SFXN5: variants seen among roughly 807,000 people sequenced by gnomAD.
The protein encoded by SFXN5 is sideroflexin-5.
A neutral mutation model predicts 50.2 loss-of-function variants in SFXN5; 43 were observed. That is an observed-to-expected ratio of 0.86 (90% CI 0.67 to 1.11). The LOEUF (loss-of-function observed/expected upper bound fraction) is 1.11. SFXN5 is among the 50% of genes least tolerant of loss of function. The pLI, the probability that SFXN5 is intolerant of heterozygous loss-of-function variation, is 0.00. For missense variants in SFXN5, 463 were observed against 454.1 expected (o/e 1.02, Z -0.18); for synonymous variants, 203 against 185.8 (o/e 1.09, Z -0.75).
At chr2:72,978,266 C>T (rs568418424) in intron 10 of SFXN5, among the ~76,000 whole-genome samples, 2 of 150,906 alleles carry the variant, frequency 1.3e-5, no homozygotes, top group Non-Finnish European at 1.5e-5. Context: ...TTCAGATGAA[C>T]GCATTTTTCT....
intron 10 of SFXN5, among the ~76,000 whole-genome samples, chr2:72,978,004 GAA>G (rs60752756): frequency 1.6e-4 from 20 of 127,474 alleles, no homozygotes; most frequent in Admixed American, 6.5e-4. Flanking sequence ...AAAGAATAAG[GAA>G]AAAAAAAAAA....
chr2:72,978,550 TG>T (rs1670915222), intron 10 of SFXN5, among the ~76,000 whole-genome samples: 3 of 152,204 alleles, frequency 2.0e-5, no homozygotes, highest in Admixed American at 1.3e-4. Flanking sequence ...CTCAAAGTGC[TG>T]GGATTACAGG....
intron 1 of SFXN5, chr2:73,071,222 C>T (rs2106087614): frequency 9.6e-6 from 2 of 207,736 alleles, no homozygotes; most frequent in East Asian, 2.7e-4. Flanking sequence ...CATCCAGGGC[C>T]AGACTAGAAC....
chr2:72,977,159 A>AGTT (rs1670717841), intron 10 of SFXN5, among the ~76,000 whole-genome samples: 1 of 152,114 alleles, frequency 6.6e-6, no homozygotes, highest in African/African-American at 2.4e-5. Context: ...TGATGCTTGG[A>AGTT]GCTGCTGCCG....
At chr2:72,985,955 AG>A (rs1041049435) in intron 10 of SFXN5, among the ~76,000 whole-genome samples, 1 of 152,172 alleles carries the variant, frequency 6.6e-6, no homozygotes, top group Non-Finnish European at 1.5e-5. Context: ...CCCCCGGCAA[AG>A]TTCTTATCTA....
chr2:73,028,275 C>T (rs1218251195), intron 3 of SFXN5, among the ~76,000 whole-genome samples: 1 of 152,204 alleles, frequency 6.6e-6, no homozygotes, highest in Non-Finnish European at 1.5e-5. Flanking sequence ...ATAAGTTAAG[C>T]CCAATGGGAG....
intron 10 of SFXN5, chr2:72,981,182 A>G (rs923949561): frequency 4.6e-5 from 7 of 152,014 alleles, no homozygotes; most frequent in African/African-American, 1.7e-4. Flanking sequence ...TGTCACTCTT[A>G]TGGCGTTACC....
rs545865231 is a variant in SFXN5, at chr2:72,982,350, C to T, written c.625+5908G>A. On this transcript the variant is annotated intron_variant, in intron 10 of 13. Coordinates refer to ENST00000272433, the MANE Select transcript of SFXN5 (RefSeq NM_144579.3). ...AATGTAAACAAGAAAACAGAGCACTCCAAAACAACTTTAAAAAGTGGAAAA... is the reference window on the plus strand; with the variant it reads ...AATGTAAACAAGAAAACAGAGCACTTCAAAACAACTTTAAAAAGTGGAAAA... 2.2e-4 allele frequency among the ~76,000 whole-genome samples: 34 copies of T among 152,282 alleles called. No individual in the cohort carries two copies. In the South Asian group the frequency reaches 3.7e-3, roughly 17 times the overall value.
intron 10 of SFXN5, among the ~76,000 whole-genome samples, chr2:72,976,857 G>C (rs751916894): frequency 2.0e-5 from 3 of 152,128 alleles, no homozygotes; most frequent in Non-Finnish European, 4.4e-5. Context: ...ATAAGATATG[G>C]GGACCTGGAA....
At chr2:73,006,958 C>T (rs184126061) in intron 6 of SFXN5, among the ~76,000 whole-genome samples, 51 of 152,332 alleles carry the variant, frequency 3.3e-4, no homozygotes, top group African/African-American at 1.2e-3. Context: ...GGGCCAATGG[C>T]ACCCATATGG....
chr2:73,061,078 G>A (rs1406392559), intron 1 of SFXN5, among the ~76,000 whole-genome samples: 1 of 151,482 alleles, frequency 6.6e-6, no homozygotes, highest in Non-Finnish European at 1.5e-5. Flanking sequence ...CACTCTGGGA[G>A]ACCAAGGCAG....
Position 73,050,388 on chromosome 2 carries a change from G to GCGCGCGCACACACACACACACACACA in SFXN5, c.171+8139_171+8140insTGTGTGTGTGTGTGTGTGTGCGCGCG. 1.6e-3 allele frequency among the ~76,000 whole-genome samples: 232 copies of GCGCGCGCACACACACACACACACACA among 143,902 alleles called. 1 individual carries two copies. The highest frequency in any genetic ancestry group is 6.8e-3 in the East Asian group (32 of 4,740). The allele number at this position is 143,902 out of a possible 152,430, so 94.4% of individuals were successfully genotyped here. On this transcript the variant is annotated intron_variant, in intron 2 of 13. Coordinates refer to ENST00000272433, the MANE Select transcript of SFXN5 (RefSeq NM_144579.3). ...GTGGAGGTAGCGCCGCAGCCACAGCGCACGCACACACACACACACACACAC... is the reference window on the plus strand; with the variant it reads ...GTGGAGGTAGCGCCGCAGCCACAGCGCGCGCGCACACACACACACACACACACACGCACACACACACACACACACAC...
intron 9 of SFXN5, 153 bp downstream of exon 9, chr2:72,998,796 G>T (rs1324712669): frequency 1.1e-5 from 8 of 746,638 alleles, no homozygotes; most frequent in Non-Finnish European, 1.5e-5. Context: ...CCTCTTCTCG[G>T]CTTGGAAAGC....
chr2:72,971,597 C>T lies in SFXN5; in HGVS notation c.714G>A (p.Val238=). 1 of 1,614,022 alleles carries T rather than the reference C, an allele frequency of 6.2e-7. No individual in the cohort carries two copies. Among genetic ancestry groups the T allele is most frequent in the Admixed American group, 1.7e-5 (1 of 60,014 alleles). Residue 238 remains valine (V), a synonymous_variant, in exon 11 of 14, where the codon GTG becomes GTA. Coordinates refer to ENST00000272433, the MANE Select transcript of SFXN5 (RefSeq NM_144579.3). ...GTCGGGCTGCGATCTTGGAGGAGCC[C>T]ACGAGGTTGCCATCGCTGTCCAGGA... ...IDVLDSDGNL[V]GSSKIAARHA... is the part of the protein sequence containing the mutation.
Position 73,071,661 on chromosome 2 carries a change from G to T in SFXN5, c.45C>A (p.Ala15=), listed in dbSNP as rs746311228. The change falls in exon 1 of 14, where the codon GCC becomes GCA. Residue 15 remains alanine (A), a synonymous_variant. Coordinates refer to ENST00000272433, the MANE Select transcript of SFXN5 (RefSeq NM_144579.3). ...GAGGTGCATCGCTCGAGGCGCTAGC[G>T]GCACTAGCCGCCGCCGCCGATGCTG... ...ATTASAAAAS[A]ASASSDAPPF... 3 of 1,612,938 alleles carry T rather than the reference G, an allele frequency of 1.9e-6. No homozygotes were observed. Among genetic ancestry groups the T allele is most frequent in the African/African-American group, 2.7e-5 (2 of 74,936 alleles).
chr2:72,963,508 C>G (rs1673997154), intron 12 of SFXN5, among the ~76,000 whole-genome samples: 1 of 150,472 alleles, frequency 6.6e-6, no homozygotes, highest in Non-Finnish European at 1.5e-5. Flanking sequence ...CAGAGCAGGC[C>G]TGAGAGCGAA....
At chr2:73,001,227 G>C (rs1047147489) in intron 7 of SFXN5, among the ~76,000 whole-genome samples, 2 of 152,246 alleles carry the variant, frequency 1.3e-5, no homozygotes, top group African/African-American at 4.8e-5. Context: ...GGGGCAGAGT[G>C]GGGGCCACCC....
In SFXN5 at chr2:72,950,052, C is replaced by T. The variant is rs1672362714; in HGVS notation, c.946-4953G>A. Among the ~76,000 whole-genome samples, 2 of 151,756 alleles carry T rather than the reference C, an allele frequency of 1.3e-5. No homozygotes were observed. Among genetic ancestry groups the T allele is most frequent in the East Asian group, 2.0e-4 (1 of 5,120 alleles). ...CTCTGGAGCTCTGGGCAGGAGAAAG[C>T]GCCCGGGATGTGTGAGCATAGCCAG... On this transcript the variant is annotated intron_variant, in intron 13 of 13. Transcript: ENST00000272433. The surrounding 1 kb of genome is among the most constrained non-coding windows in gnomAD (Gnocchi z 4.2).
intron 13 of SFXN5, among the ~76,000 whole-genome samples, chr2:72,957,544 T>G (rs1358011806): frequency 2.0e-5 from 3 of 152,228 alleles, no homozygotes; most frequent in African/African-American, 7.2e-5. Context: ...GTCCCCTGAT[T>G]AGTTAATTGG....
Sources: gnomAD v4.1 joint callset for allele counts (sites outside exome capture counted in the v4.1 genomes callset) on GRCh38, gnomAD v4.1.1 for gene constraint, Gnocchi (gnomAD v3.1) non-coding constraint, MANE v1.5 for transcripts, NCBI Gene and HGNC (gene_info 2026-07-23, HGNC 2026-07-21) for gene names.